The following BUD13 variants were observed in gnomAD, a reference collection of about 807,000 sequenced individuals.
The protein encoded by BUD13 is BUD13 spliceosome associated protein.
In BUD13, 47 loss-of-function variants were observed where a neutral mutation model predicts 62.5. The ratio of observed to expected loss-of-function variants is 0.75; its 90% CI spans 0.60 to 0.96. BUD13 has a LOEUF of 0.96. Ranked by LOEUF, BUD13 falls within the 40% of genes least tolerant of loss-of-function variation. The pLI is 0.00. For missense variants in BUD13, 821 were observed against 790.9 expected (o/e 1.04, Z -0.46); for synonymous variants, 293 against 280.1 (o/e 1.05, Z -0.46).
At chr11:116,764,360 T>A (rs138336330) in intron 3 of BUD13, among the ~76,000 whole-genome samples, 1 of 152,248 alleles carries the variant, frequency 6.6e-6, no homozygotes, top group East Asian at 1.9e-4. Flanking sequence ...TGGAATCCAC[T>A]CCACAGAGAA....
chr11:116,759,391 A>C (rs975058199), intron 5 of BUD13, among the ~76,000 whole-genome samples: 2 of 152,224 alleles, frequency 1.3e-5, no homozygotes, highest in African/African-American at 4.8e-5. Flanking sequence ...CAGAAACACT[A>C]ACAATATATT....
rs762347838 is a variant in BUD13 at position 116,757,845 on chromosome 11, T to C, written c.1605A>G (p.Leu535=). Residue 535 remains leucine (L), a synonymous_variant, in exon 8 of 10, where the codon CTA becomes CTG. Coordinates refer to ENST00000260210, the MANE Select transcript of BUD13 (RefSeq NM_032725.4). ...YIDDEDLDRM[L]REQEREGDPM... ...GGTCCCCCTCTCTTTCCTGTTCTCT[T>C]AGCATCCTATCCAGATCTTCGTCAT... 12 of 1,614,076 alleles carry C rather than the reference T, an allele frequency of 7.4e-6. No homozygotes were observed. Among genetic ancestry groups the C allele is most frequent in the Non-Finnish European group, 1.0e-5 (12 of 1,180,050 alleles).
rs1462245984 is a variant in BUD13, at chr11:116,760,923, G to A, written c.1066C>T (p.Leu356Phe). 1.2e-6 allele frequency: 2 copies of A among 1,614,074 alleles called. No homozygotes were observed. Among genetic ancestry groups the A allele is most frequent in the Non-Finnish European group, 1.7e-6 (2 of 1,179,988 alleles). The change falls in exon 5 of 10, where the codon CTT becomes TTT. Residue 356 changes from leucine (L) to phenylalanine (F), a missense_variant. This residue lies in a region of BUD13 where 800 missense variants were observed against 739.2 expected (regional missense o/e 1.08). Transcript: ENST00000260210. Reference protein sequence around the residue: ...GDCQKATDSDLSSPRHKQSPG... With the variant: ...GDCQKATDSDFSSPRHKQSPG... Reference sequence around the variant, plus strand: ...CTTTGTTTATGCCGTGGAGAAGAAAGGTCTGAATCAGTTGCTTTCTGGCAG... The same window carrying A: ...CTTTGTTTATGCCGTGGAGAAGAAAAGTCTGAATCAGTTGCTTTCTGGCAG...
In BUD13 at chr11:116,765,428, C is replaced by G; in HGVS notation, c.256G>C (p.Glu86Gln). ...ATCTGCTTTACCTCTTCTGGCCGCT[C>G]ATCCACAAACTCTGCCACCTGTGAG... is the stretch of plus-strand genomic sequence containing the variant. ...DLPVVAEFVD[E>Q]RPEEVKQMEA... The change falls in exon 3 of 10, where the codon GAG becomes CAG. Residue 86 changes from glutamate (E) to glutamine (Q), a missense_variant. Physicochemically the swap from Glu to Gln is conservative, Grantham distance 29. Coordinates refer to ENST00000260210, the MANE Select transcript of BUD13 (RefSeq NM_032725.4). 6.2e-7 allele frequency: 1 copy of G among 1,614,184 alleles called. No individual in the cohort carries two copies.
chr11:116,770,546 G>A (rs1940608441), intron 1 of BUD13, among the ~76,000 whole-genome samples: 1 of 150,942 alleles, frequency 6.6e-6, no homozygotes, highest in Non-Finnish European at 1.5e-5. Flanking sequence ...CCAGGCTGGA[G>A]TGCAGTGGCA....
intron 9 of BUD13, among the ~76,000 whole-genome samples, chr11:116,750,958 GCA>G (rs1940221833): frequency 6.6e-6 from 1 of 152,108 alleles, no homozygotes; most frequent in Non-Finnish European, 1.5e-5. Flanking sequence ...TTATGACTCT[GCA>G]CATATAGGAC....
At chr11:116,764,107 T>C (rs901175453) in intron 3 of BUD13, among the ~76,000 whole-genome samples, 5 of 152,244 alleles carry the variant, frequency 3.3e-5, no homozygotes, top group African/African-American at 9.6e-5. Flanking sequence ...CTTTAAAATA[T>C]GTAAAGCTTT....
In BUD13 at chr11:116,759,183, T is replaced by C. The variant is rs143075492; in HGVS notation, c.1255-4A>G. ...CCCCAGAATACATGTGTGCAGCCTA[T>C]GCAACGGAAAAGGGAGCATCCAACA... On this transcript the variant is annotated splice_polypyrimidine_tract_variant and splice_region_variant and intron_variant, in intron 5 of 9. Transcript: ENST00000260210. 10 of 1,611,764 alleles carry C rather than the reference T, an allele frequency of 6.2e-6. No homozygotes were observed. Among genetic ancestry groups the C allele is most frequent in the Middle Eastern group, 1.7e-4 (1 of 6,054 alleles).
Position 116,772,808 on chromosome 11 carries a change from C to T in BUD13, c.143+14G>A, listed in dbSNP as rs1172197238. 3 of 1,549,864 alleles carry T rather than the reference C, an allele frequency of 1.9e-6. No individual in the cohort carries two copies. The highest frequency in any genetic ancestry group is 2.6e-6 in the Non-Finnish European group (3 of 1,150,834). On this transcript the variant is annotated intron_variant, in intron 1 of 9. Transcript: ENST00000260210. Reference sequence around the variant, plus strand: ...TAGACGTCGCAGGCCCCGCCCCGGCCGGTACCAACTCACCCCTTGCCGCCG... The same window carrying T: ...TAGACGTCGCAGGCCCCGCCCCGGCTGGTACCAACTCACCCCTTGCCGCCG...
intron 2 of BUD13, among the ~76,000 whole-genome samples, chr11:116,768,872 G>A (rs576573894): frequency 3.9e-5 from 6 of 151,916 alleles, no homozygotes; most frequent in East Asian, 3.9e-4. Flanking sequence ...AAAATTAGCC[G>A]GGCGTGTTGG....
At chr11:116,770,927 G>A (rs986600736) in intron 1 of BUD13, among the ~76,000 whole-genome samples, 1 of 152,116 alleles carries the variant, frequency 6.6e-6, no homozygotes, top group Non-Finnish European at 1.5e-5. Flanking sequence ...CCAAGTAGCT[G>A]GGACTACAGG....
chr11:116,768,253 G>A (rs918096062), intron 2 of BUD13, among the ~76,000 whole-genome samples: 2 of 151,886 alleles, frequency 1.3e-5, no homozygotes, highest in African/African-American at 4.8e-5. Context: ...TCCAGTAACA[G>A]AACAGATAAA....
intron 9 of BUD13, among the ~76,000 whole-genome samples, chr11:116,748,920 G>T (rs1468154164): frequency 6.8e-6 from 1 of 148,040 alleles, no homozygotes; most frequent in African/African-American, 2.5e-5. Context: ...GGACAGCAGA[G>T]GTTGCAGTGA....
chr11:116,763,811 C>CTATTATTATT (rs1160786739), intron 3 of BUD13, among the ~76,000 whole-genome samples: 107 of 152,190 alleles, frequency 7.0e-4, no homozygotes, highest in Non-Finnish European at 1.2e-3. Context: ...AAATAAAATG[C>CTATTATTATT]TGTTAACTAT....
intron 9 of BUD13, among the ~76,000 whole-genome samples, chr11:116,755,749 G>T (rs1011248634): frequency 6.6e-6 from 1 of 152,056 alleles, no homozygotes; most frequent in African/African-American, 2.4e-5. Context: ...CTTGGAAAAT[G>T]TAATTATTTT....
chr11:116,749,905 T>G (rs1275580124), intron 9 of BUD13, among the ~76,000 whole-genome samples: 7 of 152,062 alleles, frequency 4.6e-5, no homozygotes, highest in Non-Finnish European at 1.0e-4. Flanking sequence ...ACTAATTGAT[T>G]AGGTACACAA....
In BUD13 at chr11:116,758,254, C is replaced by T. The variant is rs1250777268; in HGVS notation, c.1499+15G>A. The T allele has an allele frequency of 6.2e-7, 1 of 1,613,584 alleles. No homozygotes were observed. On this transcript the variant is annotated intron_variant, in intron 7 of 9. Coordinates refer to ENST00000260210, the MANE Select transcript of BUD13 (RefSeq NM_032725.4). ...GTCACTGCCATCTTGTTTACCCTTT[C>T]AGTGGTTCCCTTACCCTTTTCCCCA...
chr11:116,762,752 A>C lies in BUD13; in HGVS notation c.837T>G (p.Thr279=), dbSNP rs769099545. 8 of 1,614,044 alleles carry C rather than the reference A, an allele frequency of 5.0e-6. No homozygotes were observed. In the East Asian group the frequency reaches 1.6e-4, roughly 31 times the overall value. ...HDSPDLAPNV[T]YSLPRTKSGK... is the part of the protein sequence containing the mutation. ...CACTTTTGGTTCTGGGCAGGGAATA[A>C]GTGACATTAGGAGCCAAATCAGGGG... The change falls in exon 4 of 10, where the codon ACT becomes ACG. Residue 279 remains threonine, a synonymous_variant. Coordinates refer to ENST00000260210, the MANE Select transcript of BUD13 (RefSeq NM_032725.4).
chr11:116,758,430 A>T, intron 6 of BUD13, 23 bp from the exon 7 acceptor site: 2 of 1,612,392 alleles, frequency 1.2e-6, no homozygotes, highest in Non-Finnish European at 1.7e-6. Context: ...ATTATACTCA[A>T]ATATCAGGAT....
Sources: gnomAD v4.1 joint callset for allele counts (sites outside exome capture counted in the v4.1 genomes callset) on GRCh38, gnomAD v4.1.1 for gene constraint, gnomAD v4.1.1 regional missense constraint, MANE v1.5 for transcripts, NCBI Gene and HGNC (gene_info 2026-07-23, HGNC 2026-07-21) for gene names.